The following RGS12 variants were observed in gnomAD, a reference collection of about 807,000 sequenced individuals.
The protein encoded by RGS12 is regulator of G-protein signaling 12.
Under a neutral mutation model 120.1 loss-of-function variants are expected in RGS12, and 66 were observed. That is an observed-to-expected ratio of 0.55 (90% CI 0.45 to 0.67). The LOEUF (loss-of-function observed/expected upper bound fraction) is 0.67. RGS12 is among the 30% of genes least tolerant of loss of function. RGS12 has a pLI of 0.00. For synonymous variants in RGS12, 827 were observed against 804.7 expected (o/e 1.03, Z -0.47); for missense variants, 1,859 against 1,957.7 (o/e 0.95, Z 0.95).
chr4:3,414,999 CGTGTGAGGGGCGTGT>C (rs1315541484), intron 6 of RGS12, among the ~76,000 whole-genome samples, 155 bp downstream of exon 6: 1 of 51,920 alleles, frequency 1.9e-5, no homozygotes, highest in East Asian at 5.5e-4. Flanking sequence ...GTGTGAGGGG[CGTGTGAGGGGCGTGT>C]GTGAGAGGGG....
intron 2 of RGS12, among the ~76,000 whole-genome samples, chr4:3,335,527 G>C (rs1701321917): frequency 6.6e-6 from 1 of 152,146 alleles, no homozygotes. Context: ...GTCCCCAGGG[G>C]CGCTCCCCGG....
chr4:3,289,105 A>G (rs1303445863), upstream of RGS12, among the ~76,000 whole-genome samples: 2 of 152,202 alleles, frequency 1.3e-5, no homozygotes, highest in Non-Finnish European at 2.9e-5. Flanking sequence ...ACCCACAACC[A>G]GGTCCCCAAG....
chr4:3,301,020 G>A (rs1723653791), intron 1 of RGS12, among the ~76,000 whole-genome samples: 1 of 152,212 alleles, frequency 6.6e-6, no homozygotes, highest in South Asian at 2.1e-4. Context: ...GGCCCCAGGA[G>A]CCTCCCCGGC....
At chr4:3,342,802 A>G in intron 2 of RGS12, 135 bp from the exon 3 acceptor site, 1 of 748,048 alleles carries the variant, frequency 1.3e-6, no homozygotes, top group Non-Finnish European at 2.3e-6. Flanking sequence ...TTACCCTGGG[A>G]TGACTTTTAA....
upstream of RGS12, among the ~76,000 whole-genome samples, chr4:3,292,683 G>C (rs1012639848): frequency 1.3e-5 from 2 of 152,212 alleles, no homozygotes; most frequent in African/African-American, 4.8e-5. Flanking sequence ...CGGAGGCAGA[G>C]AAAACCAGCT....
rs1216468637 is a variant in RGS12 at position 3,325,206 on chromosome 4, A to G, written c.1881+7155A>G. Among the ~76,000 whole-genome samples the G allele has an allele frequency of 3.9e-5, 6 of 152,354 alleles. 1 individual carries two copies. Among genetic ancestry groups the G allele is most frequent in the African/African-American group, 1.4e-4 (6 of 41,586 alleles). On this transcript the variant is annotated intron_variant, in intron 2 of 17. Transcript: ENST00000336727. ...AAGGATAGGATTCCTTGGTTCAGGA[A>G]TGCGGCTTAAGTTTTATTTTGATTT... is the stretch of plus-strand genomic sequence containing the variant.
intron 4 of RGS12, among the ~76,000 whole-genome samples, chr4:3,396,388 G>A (rs1336514924): frequency 6.6e-6 from 1 of 152,170 alleles, no homozygotes; most frequent in Non-Finnish European, 1.5e-5. Context: ...GACCATGAAA[G>A]TAAATCTGTT....
chr4:3,293,375 G>T (rs1266897583), intron 1 of RGS12, among the ~76,000 whole-genome samples: 2 of 146,708 alleles, frequency 1.4e-5, no homozygotes, highest in East Asian at 2.0e-4. Flanking sequence ...CGGCCGGGCG[G>T]GTGCGCGGCC....
chr4:3,376,269 C>CACAT (rs1717680303), intron 3 of RGS12, among the ~76,000 whole-genome samples: 1 of 151,724 alleles, frequency 6.6e-6, no homozygotes, highest in Non-Finnish European at 1.5e-5. Flanking sequence ...CACACACACA[C>CACAT]ACACACACAC....
chr4:3,395,027 C>A lies in RGS12; in HGVS notation c.2020+8590C>A, dbSNP rs927717261. Among the ~76,000 whole-genome samples the A allele has an allele frequency of 1.4e-4, 21 of 151,334 alleles. No homozygotes were observed. The South Asian group carries it at 1.9e-3, about 14-fold the overall frequency. On this transcript the variant is annotated intron_variant, in intron 4 of 17. Coordinates refer to ENST00000336727, the MANE Select transcript of RGS12 (RefSeq NM_001394154.1). ...CTACCAAAAATACAAAAAAACAAAA[C>A]AAAACAAAAAAAAACATTAGCTGGA...
intron 3 of RGS12, among the ~76,000 whole-genome samples, chr4:3,359,866 G>T (rs999316102): frequency 1.3e-5 from 2 of 151,824 alleles, no homozygotes; most frequent in Non-Finnish European, 2.9e-5. Context: ...CAGGTGATCC[G>T]CCCACCTCAG....
At chr4:3,386,465 T>C in intron 4 of RGS12, 28 bp downstream of exon 4, 1 of 1,587,738 alleles carries the variant, frequency 6.3e-7, no homozygotes, top group African/African-American at 1.3e-5. Context: ...ATGTATATAT[T>C]TTTTATTTTT....
chr4:3,431,456 C>A, intron 17 of RGS12: 2 of 990,876 alleles, frequency 2.0e-6, no homozygotes, highest in Non-Finnish European at 2.4e-6. Context: ...GCAGCTCGGA[C>A]CCACCGGCGG....
chr4:3,396,455 A>G (rs1183579473), intron 4 of RGS12, among the ~76,000 whole-genome samples: 2 of 152,158 alleles, frequency 1.3e-5, no homozygotes, highest in Non-Finnish European at 1.5e-5. Flanking sequence ...ATTTTTGTCT[A>G]TGGTGTGAGG....
rs1402523694 is a variant in RGS12, at chr4:3,352,739, G to C, written c.1998+9686G>C. Among the ~76,000 whole-genome samples the C allele has an allele frequency of 1.3e-5, 2 of 152,288 alleles. 1 individual carries two copies. The highest frequency in any genetic ancestry group is 4.1e-4 in the South Asian group (2 of 4,828). ...GAAGTAATTTGCGTATGTGTGTAAG[G>C]TTGTTTGGCCTTTGTGCAAGGTTGT... On this transcript the variant is annotated intron_variant, in intron 3 of 17. Coordinates refer to ENST00000336727, the MANE Select transcript of RGS12 (RefSeq NM_001394154.1).
chr4:3,350,718 T>C (rs1215729855), intron 3 of RGS12, among the ~76,000 whole-genome samples: 1 of 152,100 alleles, frequency 6.6e-6, no homozygotes, highest in East Asian at 1.9e-4. Flanking sequence ...AAAAGATTTA[T>C]TTAAGTCACA....
chr4:3,335,375 T>A (rs559833829), intron 2 of RGS12, among the ~76,000 whole-genome samples: 67 of 152,372 alleles, frequency 4.4e-4, no homozygotes, highest in Admixed American at 1.2e-3. Context: ...GAATTCTTCC[T>A]GCCGCACAGA....
intron 10 of RGS12, among the ~76,000 whole-genome samples, chr4:3,421,068 G>A (rs143873098): frequency 4.5e-4 from 69 of 152,316 alleles, no homozygotes; most frequent in Admixed American, 1.5e-3. Flanking sequence ...AGAAGGTGTC[G>A]AAATCAGGCG....
At chr4:3,403,708 G>T (rs2109046182) in intron 4 of RGS12, among the ~76,000 whole-genome samples, 1 of 152,336 alleles carries the variant, frequency 6.6e-6, no homozygotes, top group Non-Finnish European at 1.5e-5. Context: ...AAGCAGAGGG[G>T]GCCTGAGCCT....
Sources: gnomAD v4.1 joint callset for allele counts (sites outside exome capture counted in the v4.1 genomes callset) on GRCh38, gnomAD v4.1.1 for gene constraint, MANE v1.5 for transcripts, NCBI Gene and HGNC (gene_info 2026-07-23, HGNC 2026-07-21) for gene names.